Variants in PPP2R2B observed in about 807,000 individuals in gnomAD.
PPP2R2B encodes the protein protein phosphatase 2 regulatory subunit Bbeta.
In PPP2R2B, 5 loss-of-function variants were observed where a neutral mutation model predicts 46.0. That is an observed-to-expected ratio of 0.11 (90% confidence interval 0.06 to 0.23). The LOEUF is 0.23. Among genes scored for constraint, PPP2R2B ranks in the 10% least tolerant of loss-of-function variants. The probability of loss-of-function intolerance (pLI) is 1.00; values close to 1 mark genes in which losing one functional copy is unlikely to be tolerated. For synonymous variants in PPP2R2B, 215 were observed against 206.7 expected, an observed-to-expected ratio of 1.04 and a Z score of -0.34; for missense variants, 367 against 575.0, an observed-to-expected ratio of 0.64 and a Z score of 3.70.
chr5:146,665,404 C>A (rs1199087789), intron 5 of PPP2R2B, among the ~76,000 whole-genome samples: 1 of 152,180 alleles, frequency 6.6e-6, no homozygotes, highest in Non-Finnish European at 1.5e-5. Context: ...CATGAACCAA[C>A]CTTTGCTAGC....
intron 1 of PPP2R2B, among the ~76,000 whole-genome samples, chr5:147,038,363 C>T (rs1580840706): frequency 6.6e-6 from 1 of 152,056 alleles, no homozygotes; most frequent in Admixed American, 6.6e-5. Context: ...ATAGTGTCCC[C>T]TGGGGATTGA....
intron 1 of PPP2R2B, among the ~76,000 whole-genome samples, chr5:146,939,642 G>T (rs1764260524): frequency 6.6e-6 from 1 of 152,162 alleles, no homozygotes; most frequent in Admixed American, 6.5e-5. Context: ...TGGACCTCCT[G>T]CTTCATAGAG....
chr5:146,600,028 T>TGA (rs1291433114), intron 8 of PPP2R2B, among the ~76,000 whole-genome samples: 2 of 152,348 alleles, frequency 1.3e-5, no homozygotes, highest in African/African-American at 4.8e-5. Context: ...GTAAGCTGCA[T>TGA]GAGAGCAGGA....
At chr5:146,857,683 G>T (rs538016197) in intron 2 of PPP2R2B, among the ~76,000 whole-genome samples, 2 of 147,758 alleles carry the variant, frequency 1.4e-5, no homozygotes, top group South Asian at 4.4e-4. Flanking sequence ...ATACATAACT[G>T]TACTAATTTT....
intron 1 of PPP2R2B, among the ~76,000 whole-genome samples, chr5:146,906,715 C>T (rs1358604788): frequency 6.6e-6 from 1 of 152,140 alleles, no homozygotes. Flanking sequence ...CTTTCTTCTA[C>T]TTTTTGGAAA....
intron 1 of PPP2R2B, among the ~76,000 whole-genome samples, chr5:146,948,105 C>T (rs75717210): frequency 6.6e-6 from 1 of 151,950 alleles, no homozygotes; most frequent in African/African-American, 2.4e-5. Flanking sequence ...TTCCCTTACC[C>T]TATAAACCCT....
At chr5:146,910,403 A>G (rs1402509255) in intron 1 of PPP2R2B, among the ~76,000 whole-genome samples, 1 of 152,214 alleles carries the variant, frequency 6.6e-6, no homozygotes, top group African/African-American at 2.4e-5. Context: ...TGCAAGATTT[A>G]AAGGAAGTGC....
At chr5:146,596,446 T>C in intron 8 of PPP2R2B, among the ~76,000 whole-genome samples, 1 of 152,198 alleles carries the variant, frequency 6.6e-6, no homozygotes, top group East Asian at 1.9e-4. Context: ...CCTCACAATC[T>C]ATCATGGTGT....
At chr5:146,856,459 C>T (rs1464652213) in intron 2 of PPP2R2B, 1 of 1,460,828 alleles carries the variant, frequency 6.8e-7, no homozygotes, top group East Asian at 2.3e-5. Context: ...TATACTGCTA[C>T]TTTATCAAGA....
intron 2 of PPP2R2B, among the ~76,000 whole-genome samples, chr5:147,071,861 TC>T (rs1441145922): frequency 4.6e-5 from 7 of 152,314 alleles, no homozygotes; most frequent in Non-Finnish European, 1.0e-4. Context: ...TAGTAGGTGC[TC>T]AGTAGATATT....
At chr5:146,745,872 T>A (rs1753161476) in intron 2 of PPP2R2B, among the ~76,000 whole-genome samples, 1 of 151,772 alleles carries the variant, frequency 6.6e-6, no homozygotes, top group African/African-American at 2.4e-5. Context: ...GCAGGAGAAT[T>A]GCTTGAACCC....
intron 7 of PPP2R2B, among the ~76,000 whole-genome samples, chr5:146,601,879 A>C (rs888964364): frequency 6.6e-6 from 1 of 152,090 alleles, no homozygotes; most frequent in Non-Finnish European, 1.5e-5. Flanking sequence ...GGTTCTTATT[A>C]TCTCTCTCAA....
intron 2 of PPP2R2B, 58 bp from the exon 3 acceptor site, chr5:146,701,200 G>T: frequency 6.8e-6 from 9 of 1,314,336 alleles, no homozygotes; most frequent in Non-Finnish European, 9.9e-6. Context: ...TGAAAGGATA[G>T]ATAATAGATA....
intron 1 of PPP2R2B, among the ~76,000 whole-genome samples, chr5:146,928,545 G>T (rs1433599917): frequency 6.6e-6 from 1 of 152,018 alleles, no homozygotes; most frequent in Non-Finnish European, 1.5e-5. Flanking sequence ...CTTTAAAAAT[G>T]AATCAGAACC....
intron 2 of PPP2R2B, among the ~76,000 whole-genome samples, chr5:146,869,894 T>G (rs1192705021): frequency 6.6e-6 from 1 of 152,164 alleles, no homozygotes; most frequent in African/African-American, 2.4e-5. Context: ...ATAAGCAATG[T>G]TAGTTTCACT....
rs73317459 is a variant in PPP2R2B, at chr5:146,603,257, G to A, written c.791-2797C>T. 8.2e-3 allele frequency among the ~76,000 whole-genome samples: 1,244 copies of A among 152,288 alleles called. 18 individuals carry two copies. Among genetic ancestry groups the A allele is most frequent in the African/African-American group, 0.028 (1,184 of 41,546 alleles). ...AGACTCTTGAGAATTTGGGACCAAG[G>A]AGTACAGAACCTGCGGACTATTTGA... On this transcript the variant is annotated intron_variant, in intron 7 of 9. Transcript: ENST00000394411.
At chr5:146,933,682 T>C (rs560088825) in intron 1 of PPP2R2B, among the ~76,000 whole-genome samples, 234 of 152,090 alleles carry the variant, frequency 1.5e-3, no homozygotes, top group Middle Eastern at 6.8e-3. Flanking sequence ...TTAAGTTTTT[T>C]TTTTCTTTTA....
chr5:146,838,570 CAA>C (rs67308237), intron 2 of PPP2R2B, among the ~76,000 whole-genome samples: 12 of 97,224 alleles, frequency 1.2e-4, no homozygotes, highest in Non-Finnish European at 8.9e-5. Flanking sequence ...GCCTCCATCT[CAA>C]AAAAAAAAAA....
At chr5:147,023,045 AT>A (rs1393044123) in intron 1 of PPP2R2B, among the ~76,000 whole-genome samples, 2 of 152,184 alleles carry the variant, frequency 1.3e-5, no homozygotes, top group Non-Finnish European at 2.9e-5. Flanking sequence ...TAATTTTCTC[AT>A]TTTTAATTTT....
Sources: gnomAD v4.1 joint callset for allele counts (sites outside exome capture counted in the v4.1 genomes callset) on GRCh38, gnomAD v4.1.1 for gene constraint, MANE v1.5 for transcripts, NCBI Gene and HGNC (gene_info 2026-07-23, HGNC 2026-07-21) for gene names.